The following CTTNBP2NL variants were observed in gnomAD, a reference collection of about 807,000 sequenced individuals.
CTTNBP2NL encodes the protein CTTNBP2 N-terminal-like protein.
Under a neutral mutation model 32.5 loss-of-function variants are expected in CTTNBP2NL, and 16 were observed. The ratio of observed to expected loss-of-function variants is 0.49; its 90% confidence interval spans 0.33 to 0.75. The LOEUF is 0.75. CTTNBP2NL is among the 30% of genes least tolerant of loss of function. CTTNBP2NL has a pLI of 0.02. For synonymous variants in CTTNBP2NL, 298 were observed against 289.4 expected (o/e 1.03, Z -0.30); for missense variants, 645 against 756.0 (o/e 0.85, Z 1.72).
At chr1:112,398,817 CAA>C (rs3033224) in intron 1 of CTTNBP2NL, among the ~76,000 whole-genome samples, 12,718 of 93,668 alleles carry the variant, frequency 0.14, 1,475 homozygotes, top group African/African-American at 0.38. Flanking sequence ...TGTCTCTTAA[CAA>C]AAAAAAAAAA....
chr1:112,455,517 G>C (rs17030331), intron 5 of CTTNBP2NL, among the ~76,000 whole-genome samples: 2,063 of 152,236 alleles, frequency 0.014, 43 homozygotes, highest in African/African-American at 0.047. Flanking sequence ...AAAAAAGTAT[G>C]ATTCAAATGC....
At chr1:112,394,205 T>TAA (rs60528857), upstream of CTTNBP2NL, among the ~76,000 whole-genome samples, 11 of 73,282 alleles carry the variant, frequency 1.5e-4, no homozygotes, top group African/African-American at 3.6e-4. Flanking sequence ...TCCATCTCGA[T>TAA]AAAAAAAAAA....
chr1:112,399,923 G>A (rs1188234205), intron 1 of CTTNBP2NL, among the ~76,000 whole-genome samples: 3 of 151,680 alleles, frequency 2.0e-5, no homozygotes, highest in Admixed American at 6.6e-5. Flanking sequence ...ACAAAAACTA[G>A]CCAGGCATGG....
In CTTNBP2NL at chr1:112,459,757, C is replaced by CT. The variant is rs1304116563; in HGVS notation, c.*2348dup. Reference sequence around the variant, plus strand: ...TGCCAGAGAGTTATTGTCTCTTTTGCTTTAAATGGTAATCTTAAAAGTTGC... The same window carrying CT: ...TGCCAGAGAGTTATTGTCTCTTTTGCTTTTAAATGGTAATCTTAAAAGTTGC... On this transcript the variant is annotated 3_prime_UTR_variant, in exon 6 of 6. Transcript: ENST00000271277. 5 of 152,210 alleles carry CT rather than the reference C, an allele frequency of 3.3e-5. No individual in the cohort carries two copies. The highest frequency in any genetic ancestry group is 1.2e-4 in the African/African-American group (5 of 41,540). The allele number at this position is 152,210 out of a possible 1,614,324, so 9.4% of individuals were successfully genotyped here.
chr1:112,403,552 C>T (rs895446049), intron 1 of CTTNBP2NL, among the ~76,000 whole-genome samples: 3 of 152,110 alleles, frequency 2.0e-5, no homozygotes, highest in African/African-American at 7.2e-5. Flanking sequence ...TCTTGAATTA[C>T]GAATGTAGAT....
At chr1:112,403,620 A>G (rs1648571851) in intron 1 of CTTNBP2NL, among the ~76,000 whole-genome samples, 1 of 152,170 alleles carries the variant, frequency 6.6e-6, no homozygotes, top group Non-Finnish European at 1.5e-5. Flanking sequence ...TTTTCAGGAA[A>G]CCCATTTCTC....
chr1:112,451,883 C>G (rs1415808155), intron 4 of CTTNBP2NL, among the ~76,000 whole-genome samples: 2 of 152,092 alleles, frequency 1.3e-5, no homozygotes, highest in African/African-American at 4.8e-5. Context: ...CCTCCAGGTT[C>G]CATCTCTTTG....
rs1029191052 is a variant in CTTNBP2NL, at chr1:112,457,633, A to G, written c.*221A>G. ...TTACTGAAGCCAGAAAGGCACCTCA[A>G]AGATGTCTCAAGCTCAGCAGTCACC... On this transcript the variant is annotated 3_prime_UTR_variant, in exon 6 of 6. Coordinates refer to ENST00000271277, the MANE Select transcript of CTTNBP2NL (RefSeq NM_018704.3). The G allele has an allele frequency of 8.3e-6, 4 of 480,840 alleles. No individual in the cohort carries two copies. The highest frequency in any genetic ancestry group is 7.0e-5 in the South Asian group (2 of 28,722). 29.8% of individuals were successfully genotyped at this position (480,840 alleles called of 1,614,324 possible). A position where few individuals can be genotyped will look rare whatever the true frequency, so the allele number is the denominator to read the frequency against.
intron 1 of CTTNBP2NL, among the ~76,000 whole-genome samples, chr1:112,406,200 G>A (rs72697069): frequency 0.016 from 2,377 of 151,904 alleles, 19 homozygotes; most frequent in Non-Finnish European, 0.024. Flanking sequence ...AAAAAAACGT[G>A]TGCTAGACCT....
chr1:112,448,885 C>A, intron 3 of CTTNBP2NL, 57 bp from the exon 4 acceptor site: 1 of 959,604 alleles, frequency 1.0e-6, no homozygotes, highest in Non-Finnish European at 1.7e-6. Flanking sequence ...GATAGCAAAT[C>A]CCCCTTCCTC....
chr1:112,453,862 C>G (rs1650292763), intron 4 of CTTNBP2NL, among the ~76,000 whole-genome samples: 1 of 152,150 alleles, frequency 6.6e-6, no homozygotes, highest in Non-Finnish European at 1.5e-5. Context: ...TGAAAAATCT[C>G]CATTTAAGGT....
At chr1:112,393,521 T>A (rs1648233208), upstream of CTTNBP2NL, among the ~76,000 whole-genome samples, 1 of 152,220 alleles carries the variant, frequency 6.6e-6, no homozygotes. Context: ...AACCATTTTT[T>A]ACCTCTGCGT....
chr1:112,444,984 A>G (rs115584824), intron 3 of CTTNBP2NL, among the ~76,000 whole-genome samples: 13 of 152,270 alleles, frequency 8.5e-5, no homozygotes, highest in Non-Finnish European at 1.6e-4. Flanking sequence ...GTCACTTCCA[A>G]GATTAGGTTA....
intron 4 of CTTNBP2NL, among the ~76,000 whole-genome samples, chr1:112,450,946 C>T (rs1390771062): frequency 6.6e-6 from 1 of 151,982 alleles, no homozygotes; most frequent in African/African-American, 2.4e-5. Context: ...TTAGGGTGCT[C>T]ATAGTCTCAG....
chr1:112,448,639 T>C (rs561053353), intron 3 of CTTNBP2NL, among the ~76,000 whole-genome samples: 2 of 152,296 alleles, frequency 1.3e-5, no homozygotes, highest in Non-Finnish European at 2.9e-5. Flanking sequence ...AGGAATAGTT[T>C]TCTCATCAGC....
intron 1 of CTTNBP2NL, among the ~76,000 whole-genome samples, chr1:112,399,889 T>C (rs1648443321): frequency 6.6e-6 from 1 of 150,984 alleles, no homozygotes; most frequent in African/African-American, 2.4e-5. Context: ...GCCAACATGG[T>C]GAAACCCCTT....
chr1:112,416,122 C>A (rs1369523691), intron 2 of CTTNBP2NL, 35 bp from the exon 3 acceptor site: 3 of 1,077,562 alleles, frequency 2.8e-6, no homozygotes, highest in Non-Finnish European at 4.3e-6. Context: ...TTAACTATGT[C>A]TTTGGAGATT....
chr1:112,453,661 G>T (rs770059262), intron 4 of CTTNBP2NL, among the ~76,000 whole-genome samples: 1 of 152,056 alleles, frequency 6.6e-6, no homozygotes, highest in African/African-American at 2.4e-5. Context: ...CTGAGAGGTG[G>T]GAGAATCTCT....
In CTTNBP2NL at chr1:112,454,473, A is replaced by G; in HGVS notation, c.355A>G (p.Arg119Gly). 6.2e-7 allele frequency: 1 copy of G among 1,613,970 alleles called. No homozygotes were observed. The highest frequency in any genetic ancestry group is 8.5e-7 in the Non-Finnish European group (1 of 1,179,832). The change falls in exon 5 of 6, where the codon AGG becomes GGG. Residue 119 changes from arginine to glycine, a missense_variant. Transcript: ENST00000271277. Reference protein sequence around the residue: ...RKVILDLEEERQRHAQDTAEG... With the variant: ...RKVILDLEEEGQRHAQDTAEG... Reference sequence around the variant, plus strand: ...GGTGATCCTAGACCTTGAGGAAGAAAGGCAGCGGCATGCACAGGATACGGC... The same window carrying G: ...GGTGATCCTAGACCTTGAGGAAGAAGGGCAGCGGCATGCACAGGATACGGC...
Sources: allele counts gnomAD v4.1 joint callset (sites outside exome capture counted in the v4.1 genomes callset), GRCh38; gene constraint gnomAD v4.1.1; transcripts MANE v1.5; gene names NCBI Gene and HGNC (gene_info 2026-07-23, HGNC 2026-07-21).